SYTL2: variants seen among roughly 807,000 people sequenced by gnomAD.
SYTL2 encodes the protein synaptotagmin like 2.
In SYTL2, 165 loss-of-function variants were observed where a neutral mutation model predicts 198.7. That is an observed-to-expected ratio of 0.83 (90% CI 0.73 to 0.94). The LOEUF is 0.94. Ranked by LOEUF, SYTL2 falls within the 40% of genes least tolerant of loss-of-function variation. The probability of loss-of-function intolerance (pLI) is 0.00; values close to 1 mark genes in which losing one functional copy is unlikely to be tolerated. For synonymous variants in SYTL2, 966 were observed against 917.7 expected (o/e 1.05, Z -0.95); for missense variants, 2,835 against 2,582.8 (o/e 1.10, Z -2.12).
At chr11:85,748,173 A>G in intron 3 of SYTL2, 99 bp downstream of exon 3, 1 of 1,347,594 alleles carries the variant, frequency 7.4e-7, no homozygotes. Flanking sequence ...TGTACATCCA[A>G]ATGATTTCCA....
At chr11:85,764,457 C>T (rs920977662) in intron 1 of SYTL2, among the ~76,000 whole-genome samples, 1 of 152,218 alleles carries the variant, frequency 6.6e-6, no homozygotes, top group Non-Finnish European at 1.5e-5. Flanking sequence ...ATGATTTGAA[C>T]CCAAGTCTTC....
rs953542110 is a variant in SYTL2 at position 85,728,708 on chromosome 11, C to G, written c.1391-741G>C. Among the ~76,000 whole-genome samples the G allele has an allele frequency of 1.3e-5, 2 of 152,186 alleles. 1 individual carries two copies. The highest frequency in any genetic ancestry group is 4.1e-4 in the South Asian group (2 of 4,822). ...CCATCCCCTGGCACATATCATAAAC[C>G]CTAGAGGGGGCTTAAACCCAGGTTT... On this transcript the variant is annotated intron_variant, in intron 7 of 19. Coordinates refer to ENST00000359152, the MANE Select transcript of SYTL2 (RefSeq NM_206927.4).
intron 1 of SYTL2, among the ~76,000 whole-genome samples, chr11:85,774,241 T>C (rs188331567): frequency 1.3e-5 from 2 of 152,224 alleles, no homozygotes; most frequent in Non-Finnish European, 2.9e-5. Context: ...CTCCAATACC[T>C]TTTTTAATCT....
intron 1 of SYTL2, among the ~76,000 whole-genome samples, chr11:85,782,281 A>G (rs930503459): frequency 1.3e-5 from 2 of 152,200 alleles, no homozygotes; most frequent in African/African-American, 2.4e-5. Flanking sequence ...TCTTTAAGCC[A>G]TGGCTGGAGT....
chr11:85,849,577 G>A, the SYTL2 span, among the ~76,000 whole-genome samples: 2 of 151,740 alleles, frequency 1.3e-5, no homozygotes, highest in South Asian at 4.2e-4. Flanking sequence ...TCTCAGGTTT[G>A]TCAAAGATCA....
At chr11:85,789,354 A>ATATATATATATG (rs1348129929) in intron 1 of SYTL2, among the ~76,000 whole-genome samples, 7 of 57,218 alleles carry the variant, frequency 1.2e-4, no homozygotes, top group Non-Finnish European at 1.9e-4. Flanking sequence ...ATATATATAT[A>ATATATATATATG]TATATATATA....
At chr11:85,831,882 C>T in the SYTL2 span, among the ~76,000 whole-genome samples, 4 of 148,288 alleles carry the variant, frequency 2.7e-5, no homozygotes, top group African/African-American at 9.7e-5. Flanking sequence ...TTAAAATGTA[C>T]AACTTAATAA....
intron 16 of SYTL2, 116 bp downstream of exon 16, chr11:85,704,742 T>C: frequency 1.3e-6 from 1 of 768,980 alleles, no homozygotes; most frequent in South Asian, 3.4e-5. Context: ...TCCTCTAGTT[T>C]AAAATTCTCC....
chr11:85,737,332 T>G (rs1264868085), intron 5 of SYTL2, among the ~76,000 whole-genome samples: 1 of 152,208 alleles, frequency 6.6e-6, no homozygotes, highest in Non-Finnish European at 1.5e-5. Context: ...AGCTTCAGAC[T>G]TTTTACCCTC....
chr11:85,819,561 C>T, the SYTL2 span, among the ~76,000 whole-genome samples: 2 of 152,204 alleles, frequency 1.3e-5, no homozygotes, highest in Non-Finnish European at 2.9e-5. Flanking sequence ...GGATCCCAAG[C>T]ATTGCAAGAG....
At chr11:85,763,974 T>G (rs1448819419) in intron 1 of SYTL2, among the ~76,000 whole-genome samples, 1 of 152,190 alleles carries the variant, frequency 6.6e-6, no homozygotes, top group Admixed American at 6.5e-5. Flanking sequence ...AAGATTTCCC[T>G]CCAGTGTACC....
chr11:85,789,374 ATATGTATATATATATATATATATATAAT>A (rs2092695217), intron 1 of SYTL2, among the ~76,000 whole-genome samples: 4 of 44,214 alleles, frequency 9.0e-5, no homozygotes, highest in South Asian at 9.7e-4. Context: ...ATATATATAT[ATATGTATATATATATATATATATATAAT>A]TTTTTTTTTT....
chr11:85,747,093 G>C lies in SYTL2; in HGVS notation c.253+1179C>G, dbSNP rs144873305. 3.3e-3 allele frequency among the ~76,000 whole-genome samples: 499 copies of C among 152,316 alleles called. 4 individuals carry two copies. The highest frequency in any genetic ancestry group is 5.2e-3 in the Non-Finnish European group (352 of 68,020). On this transcript the variant is annotated intron_variant, in intron 3 of 19. Transcript: ENST00000359152. ...ACAAGGCTTTACATGGACTAAGCCA[G>C]AGTTAATTAGAGAGAAGGCAACCAG... is the stretch of plus-strand genomic sequence containing the variant.
chr11:85,818,401 G>A, the SYTL2 span, among the ~76,000 whole-genome samples: 2 of 151,124 alleles, frequency 1.3e-5, no homozygotes, highest in Admixed American at 6.6e-5. Flanking sequence ...ATCAGATTAG[G>A]GTTTGCTGTT....
the SYTL2 span, among the ~76,000 whole-genome samples, chr11:85,847,711 C>T: frequency 6.6e-6 from 1 of 152,164 alleles, no homozygotes; most frequent in South Asian, 2.1e-4. Context: ...TTGCATTTGC[C>T]TGATAACTAA....
At chr11:85,762,928 T>A (rs1237598599) in intron 1 of SYTL2, among the ~76,000 whole-genome samples, 1 of 151,736 alleles carries the variant, frequency 6.6e-6, no homozygotes, top group Non-Finnish European at 1.5e-5. Context: ...GTCTTGCATC[T>A]ACTAGGCACT....
intron 14 of SYTL2, among the ~76,000 whole-genome samples, chr11:85,709,001 G>A (rs1204876332): frequency 7.2e-5 from 11 of 151,918 alleles, no homozygotes; most frequent in African/African-American, 2.7e-4. Context: ...ACCACGCCCA[G>A]CTAATTTTTT....
At chr11:85,766,824 G>A (rs2092252385) in intron 1 of SYTL2, among the ~76,000 whole-genome samples, 1 of 152,182 alleles carries the variant, frequency 6.6e-6, no homozygotes, top group Admixed American at 6.5e-5. Context: ...TGTACTCTTG[G>A]GGAGCCAGGG....
chr11:85,708,371 T>C, intron 14 of SYTL2, among the ~76,000 whole-genome samples: 1 of 152,028 alleles, frequency 6.6e-6, no homozygotes, highest in Admixed American at 6.5e-5. Flanking sequence ...GTTTTTATAA[T>C]AAGAATAAAA....
Sources: gnomAD v4.1 joint callset for allele counts (sites outside exome capture counted in the v4.1 genomes callset) on GRCh38, gnomAD v4.1.1 for gene constraint, MANE v1.5 for transcripts, NCBI Gene and HGNC (gene_info 2026-07-23, HGNC 2026-07-21) for gene names.